The following ARMH3 variants were observed in gnomAD, a reference collection of about 807,000 sequenced individuals.
The protein encoded by ARMH3 is armadillo like helical domain containing 3.
ARMH3 carries 60 observed loss-of-function variants against 99.1 expected under a neutral mutation model. The ratio of observed to expected loss-of-function variants is 0.61; its 90% CI spans 0.49 to 0.75. The LOEUF (loss-of-function observed/expected upper bound fraction) is 0.75. ARMH3 is among the 30% of genes least tolerant of loss of function. The pLI is 0.00. For synonymous variants in ARMH3, 285 were observed against 292.8 expected, an observed-to-expected ratio of 0.97 and a Z score of 0.27; for missense variants, 679 against 843.1, an observed-to-expected ratio of 0.81 and a Z score of 2.41.
chr10:101,889,290 C>T, intron 24 of ARMH3, 122 bp downstream of exon 24: 1 of 946,934 alleles, frequency 1.1e-6, no homozygotes, highest in Non-Finnish European at 1.7e-6. Context: ...TAATTCCTCT[C>T]AGCAGCCTGG....
chr10:101,855,176 T>C (rs2066707586), intron 24 of ARMH3, among the ~76,000 whole-genome samples: 1 of 108,260 alleles, frequency 9.2e-6, no homozygotes, highest in Admixed American at 9.7e-5. Context: ...CAAGTGATTC[T>C]CCTGCCTCAG....
chr10:102,036,261 G>A (rs1191631489), intron 2 of ARMH3, among the ~76,000 whole-genome samples: 1 of 145,072 alleles, frequency 6.9e-6, no homozygotes. Flanking sequence ...GAGATGGGGG[G>A]GCACATCCGC....
chr10:101,850,261 C>A (rs1026838674), intron 24 of ARMH3, among the ~76,000 whole-genome samples: 2 of 151,578 alleles, frequency 1.3e-5, no homozygotes, highest in Admixed American at 1.3e-4. Flanking sequence ...CCACACCTGG[C>A]TGTTTTTTAT....
chr10:101,924,510 C>T (rs1450192084), intron 23 of ARMH3, among the ~76,000 whole-genome samples: 23 of 151,378 alleles, frequency 1.5e-4, no homozygotes, highest in African/African-American at 5.6e-4. Context: ...TACAGGCGCC[C>T]GCCACCATGC....
In ARMH3 at chr10:101,846,079, G is replaced by A. The variant is rs1224724609; in HGVS notation, c.*1449C>T. 6.6e-6 allele frequency: 1 copy of A among 152,196 alleles called. No homozygotes were observed. The highest frequency in any genetic ancestry group is 1.5e-5 in the Non-Finnish European group (1 of 68,036). The allele number at this position is 152,196 out of a possible 1,614,324, so 9.4% of individuals were successfully genotyped here. On this transcript the variant is annotated 3_prime_UTR_variant, in exon 26 of 26. Coordinates refer to ENST00000370033, the MANE Select transcript of ARMH3 (RefSeq NM_024541.3). The stretch of plus-strand genomic sequence containing the variant: ...GGTTCCATGGAGGCTATCCAAGGGA[G>A]GAACCACAAGCCAACTCCCCATAAG...
chr10:101,929,113 T>C (rs1179514623), intron 23 of ARMH3, among the ~76,000 whole-genome samples: 1 of 152,172 alleles, frequency 6.6e-6, no homozygotes, highest in Non-Finnish European at 1.5e-5. Flanking sequence ...TTCTAAAGAC[T>C]CCAGACATAA....
chr10:102,042,406 A>G (rs373855813), intron 1 of ARMH3, among the ~76,000 whole-genome samples: 1 of 152,234 alleles, frequency 6.6e-6, no homozygotes, highest in East Asian at 1.9e-4. Flanking sequence ...AATCTAATAA[A>G]TTCACTTTCT....
intron 24 of ARMH3, among the ~76,000 whole-genome samples, chr10:101,860,345 G>A (rs1159397894): frequency 6.6e-6 from 1 of 152,150 alleles, no homozygotes; most frequent in East Asian, 1.9e-4. Context: ...GGGCAACTCA[G>A]GGTATGCAGT....
intron 20 of ARMH3, among the ~76,000 whole-genome samples, 164 bp downstream of exon 20, chr10:101,975,048 G>GCAAAAAAAA (rs1845928421): frequency 6.5e-5 from 1 of 15,478 alleles, no homozygotes; most frequent in African/African-American, 2.2e-4. Flanking sequence ...AAGCTAAAAC[G>GCAAAAAAAA]TAAAAAAAAA....
At chr10:101,992,110 T>C in intron 17 of ARMH3, 72 bp from the exon 18 acceptor site, 1 of 1,235,026 alleles carries the variant, frequency 8.1e-7, no homozygotes. Flanking sequence ...CATCATCATG[T>C]TCCTTGTGCA....
At chr10:101,960,162 A>G (rs1406328524) in intron 20 of ARMH3, among the ~76,000 whole-genome samples, 1 of 152,068 alleles carries the variant, frequency 6.6e-6, no homozygotes, top group Non-Finnish European at 1.5e-5. Flanking sequence ...TGGGCGACAG[A>G]GCAAGACTCC....
At chr10:102,048,586 C>A (rs2067614077) in intron 1 of ARMH3, among the ~76,000 whole-genome samples, 1 of 152,126 alleles carries the variant, frequency 6.6e-6, no homozygotes, top group Non-Finnish European at 1.5e-5. Context: ...GCCACCACAC[C>A]CAGCTAATTT....
intron 22 of ARMH3, among the ~76,000 whole-genome samples, chr10:101,945,275 A>G (rs1176125661): frequency 6.6e-6 from 1 of 152,186 alleles, no homozygotes; most frequent in Non-Finnish European, 1.5e-5. Context: ...AGGAATCCTC[A>G]TCTTTCTGGA....
At chr10:102,050,012 G>C (rs968489985) in intron 1 of ARMH3, among the ~76,000 whole-genome samples, 6 of 152,036 alleles carry the variant, frequency 3.9e-5, no homozygotes, top group Non-Finnish European at 2.9e-5. Flanking sequence ...TTAAAAACCA[G>C]ATTCACTGTA....
intron 20 of ARMH3, among the ~76,000 whole-genome samples, chr10:101,970,562 C>T (rs1467875040): frequency 6.6e-6 from 1 of 152,142 alleles, no homozygotes; most frequent in Admixed American, 6.6e-5. Flanking sequence ...TGGCACATGC[C>T]TATAATCCCA....
At chr10:101,913,726 G>C (rs970080951) in intron 23 of ARMH3, among the ~76,000 whole-genome samples, 5 of 152,212 alleles carry the variant, frequency 3.3e-5, no homozygotes, top group Admixed American at 6.5e-5. Flanking sequence ...GTCCTCAGCA[G>C]ACCTGTTTGG....
chr10:101,862,393 A>G (rs1487055305), intron 24 of ARMH3, among the ~76,000 whole-genome samples: 4 of 152,202 alleles, frequency 2.6e-5, no homozygotes, highest in Non-Finnish European at 5.9e-5. Flanking sequence ...CCTGGCCAAC[A>G]TGGTGAAACC....
intron 19 of ARMH3, among the ~76,000 whole-genome samples, chr10:101,978,805 G>A (rs1846114026): frequency 6.6e-6 from 1 of 152,082 alleles, no homozygotes; most frequent in African/African-American, 2.4e-5. Context: ...GCTGGGCGTG[G>A]TGGCAGGCGC....
intron 24 of ARMH3, among the ~76,000 whole-genome samples, chr10:101,860,800 G>A (rs982463113): frequency 1.3e-5 from 2 of 152,136 alleles, no homozygotes; most frequent in South Asian, 2.1e-4. Context: ...AGTTACACCC[G>A]AGCAGTGGCA....
Sources: gnomAD v4.1 joint callset for allele counts (sites outside exome capture counted in the v4.1 genomes callset) on GRCh38, gnomAD v4.1.1 for gene constraint, MANE v1.5 for transcripts, NCBI Gene and HGNC (gene_info 2026-07-23, HGNC 2026-07-21) for gene names.